CYB5R4: variants seen among roughly 807,000 people sequenced by gnomAD.
CYB5R4 encodes the protein cytochrome b5 reductase 4, also known as N-terminal cytochrome b5 and cytochrome b5 oxidoreductase domain-containing protein.
In CYB5R4, 55 loss-of-function variants were observed where a neutral mutation model predicts 70.2. That is an observed-to-expected ratio of 0.78 (90% CI 0.63 to 0.98). The LOEUF (loss-of-function observed/expected upper bound fraction) is 0.98. Ranked by LOEUF, CYB5R4 falls within the 50% of genes least tolerant of loss-of-function variation. The pLI, the probability that CYB5R4 is intolerant of heterozygous loss-of-function variation, is 0.00. For synonymous variants in CYB5R4, 197 were observed against 199.5 expected, an observed-to-expected ratio of 0.99 and a Z score of 0.11; for missense variants, 562 against 612.6, an observed-to-expected ratio of 0.92 and a Z score of 0.87.
chr6:83,938,208 G>C (rs770712970), intron 12 of CYB5R4, among the ~76,000 whole-genome samples: 7 of 152,176 alleles, frequency 4.6e-5, no homozygotes, highest in Non-Finnish European at 8.8e-5. Flanking sequence ...ATCACCTTGT[G>C]AGAGAAGGAC....
At chr6:83,890,786 A>G (rs2099461010) in intron 2 of CYB5R4, among the ~76,000 whole-genome samples, 2 of 152,134 alleles carry the variant, frequency 1.3e-5, no homozygotes, top group South Asian at 4.1e-4. Flanking sequence ...GCAACCATCA[A>G]CATCAAGGCA....
intron 2 of CYB5R4, among the ~76,000 whole-genome samples, chr6:83,887,583 A>G (rs1460030192): frequency 6.6e-6 from 1 of 152,146 alleles, no homozygotes; most frequent in Non-Finnish European, 1.5e-5. Flanking sequence ...TATACAGTGT[A>G]CCCCTAATAT....
intron 2 of CYB5R4, among the ~76,000 whole-genome samples, chr6:83,876,581 C>T (rs529825995): frequency 6.7e-6 from 1 of 149,836 alleles, no homozygotes; most frequent in Non-Finnish European, 1.5e-5. Context: ...TATACTATTT[C>T]ACATATAGTA....
intron 6 of CYB5R4, among the ~76,000 whole-genome samples, 193 bp from the exon 7 acceptor site, chr6:83,919,204 T>A (rs976195577): frequency 2.6e-5 from 4 of 152,282 alleles, no homozygotes; most frequent in Non-Finnish European, 5.9e-5. Flanking sequence ...GTCTAGATAT[T>A]TTAAATTTAG....
At position 83,967,294 on chromosome 6, in the gene CYB5R4, ATG is replaced by A. The variant is rs1273737034; in HGVS notation, c.*7417_*7418del. 1 of 152,224 alleles carries A rather than the reference ATG, an allele frequency of 6.6e-6. No individual in the cohort carries two copies. The highest frequency in any genetic ancestry group is 1.5e-5 in the Non-Finnish European group (1 of 68,038). The allele number at this position is 152,224 out of a possible 1,614,324, so 9.4% of individuals were successfully genotyped here. On this transcript the variant is annotated 3_prime_UTR_variant, in exon 16 of 16. Coordinates refer to ENST00000369681, the MANE Select transcript of CYB5R4 (RefSeq NM_016230.4). ...ATTAAACTTGTAGAACTAAAACAAA[ATG>A]AGAGTTAAAAAAGAAAGAGTATAGG...
Position 83,928,620 on chromosome 6 carries a change from A to G in CYB5R4, c.814+4028A>G, listed in dbSNP as rs547743371. ...AGAGAGAGAAAAATGTAAGTGGCAT[A>G]TATAGGAAAGTTCAAATGGGTTAAT... On this transcript the variant is annotated intron_variant, in intron 10 of 15. Transcript: ENST00000369681. Among the ~76,000 whole-genome samples the G allele has an allele frequency of 2.0e-5, 3 of 152,354 alleles. No individual in the cohort carries two copies. The South Asian group carries it at 6.2e-4, about 32-fold the overall frequency.
In CYB5R4 at chr6:83,966,083, T is replaced by C. The variant is rs539229461; in HGVS notation, c.*6205T>C. On this transcript the variant is annotated 3_prime_UTR_variant, in exon 16 of 16. Transcript: ENST00000369681. ...ATGAAATGTCTAGAACAGGAAAATC[T>C]ATGAGACATAAAGTAATTAAGTGGC... The C allele has an allele frequency of 4.6e-5, 7 of 152,274 alleles. No individual in the cohort carries two copies. The highest frequency in any genetic ancestry group is 8.8e-5 in the Non-Finnish European group (6 of 68,034). 9.4% of individuals were successfully genotyped at this position (152,274 alleles called of 1,614,324 possible).
rs1210097514 is a variant in CYB5R4 at position 83,962,572 on chromosome 6, A to G, written c.*2694A>G. ...TAGTAGCTTAAAACAACACCCATTTATTATCTCACAGTTCCATGGCACAGA... is the reference window on the plus strand; with the variant it reads ...TAGTAGCTTAAAACAACACCCATTTGTTATCTCACAGTTCCATGGCACAGA... On this transcript the variant is annotated 3_prime_UTR_variant, in exon 16 of 16. Coordinates refer to ENST00000369681, the MANE Select transcript of CYB5R4 (RefSeq NM_016230.4). The G allele has an allele frequency of 2.0e-5, 3 of 152,202 alleles. No individual in the cohort carries two copies. Among genetic ancestry groups the G allele is most frequent in the Non-Finnish European group, 4.4e-5 (3 of 68,030 alleles). The allele number at this position is 152,202 out of a possible 1,614,324, so 9.4% of individuals were successfully genotyped here.
chr6:83,934,805 T>G, intron 11 of CYB5R4, 70 bp downstream of exon 11: 2 of 1,327,768 alleles, frequency 1.5e-6, no homozygotes, highest in Non-Finnish European at 2.1e-6. Context: ...TACTATTCTC[T>G]CTAGAAAACA....
chr6:83,907,367 A>C (rs946174361), intron 3 of CYB5R4, among the ~76,000 whole-genome samples: 4 of 152,248 alleles, frequency 2.6e-5, no homozygotes, highest in African/African-American at 9.6e-5. Context: ...TCCTTGAAGC[A>C]GTAGAATCAC....
At position 83,967,306 on chromosome 6, in the gene CYB5R4, AAAG is replaced by A. The variant is rs1435335135; in HGVS notation, c.*7431_*7433del. ...GAACTAAAACAAAATGAGAGTTAAA[AAAG>A]AAAGAGTATAGGTATATGCTAAACT... is the stretch of plus-strand genomic sequence containing the variant. On this transcript the variant is annotated 3_prime_UTR_variant, in exon 16 of 16. Coordinates refer to ENST00000369681, the MANE Select transcript of CYB5R4 (RefSeq NM_016230.4). 3.3e-5 allele frequency: 5 copies of A among 152,230 alleles called. No individual in the cohort carries two copies. The highest frequency in any genetic ancestry group is 1.2e-4 in the African/African-American group (5 of 41,458). The allele number at this position is 152,230 out of a possible 1,614,324, so 9.4% of individuals were successfully genotyped here.
intron 10 of CYB5R4, among the ~76,000 whole-genome samples, chr6:83,934,016 G>T (rs923324350): frequency 3.3e-5 from 5 of 151,946 alleles, no homozygotes; most frequent in Admixed American, 6.6e-5. Flanking sequence ...TCTTGCCTTT[G>T]TCAAAGAGAT....
chr6:83,887,346 A>G (rs1403484096), intron 2 of CYB5R4, among the ~76,000 whole-genome samples: 3 of 152,168 alleles, frequency 2.0e-5, no homozygotes, highest in East Asian at 1.9e-4. Flanking sequence ...TGAAGTTTAC[A>G]TTTCTGACAA....
intron 12 of CYB5R4, among the ~76,000 whole-genome samples, chr6:83,938,207 T>C (rs2099469216): frequency 1.3e-5 from 2 of 152,126 alleles, no homozygotes; most frequent in African/African-American, 4.8e-5. Flanking sequence ...TATCACCTTG[T>C]GAGAGAAGGA....
rs2099473806 is a variant in CYB5R4 at position 83,964,689 on chromosome 6, G to A, written c.*4811G>A. On this transcript the variant is annotated 3_prime_UTR_variant, in exon 16 of 16. Coordinates refer to ENST00000369681, the MANE Select transcript of CYB5R4 (RefSeq NM_016230.4). ...CAAGGAACTGAATGTTAATTTCCAAGACAATGGGGAAAATGTCTCCAGGGC... is the reference window on the plus strand; with the variant it reads ...CAAGGAACTGAATGTTAATTTCCAAAACAATGGGGAAAATGTCTCCAGGGC... 6.6e-6 allele frequency: 1 copy of A among 152,220 alleles called. No individual in the cohort carries two copies. Among genetic ancestry groups the A allele is most frequent in the East Asian group, 1.9e-4 (1 of 5,188 alleles). The allele number at this position is 152,220 out of a possible 1,614,324, so 9.4% of individuals were successfully genotyped here. A position where few individuals can be genotyped will look rare whatever the true frequency, so the allele number is the denominator to read the frequency against.
intron 2 of CYB5R4, among the ~76,000 whole-genome samples, chr6:83,867,841 A>C (rs2099456971): frequency 6.6e-6 from 1 of 152,176 alleles, no homozygotes; most frequent in South Asian, 2.1e-4. Context: ...TTGTCTGTAA[A>C]AAGTATAATT....
intron 4 of CYB5R4, among the ~76,000 whole-genome samples, chr6:83,913,071 T>C (rs1185868759): frequency 2.0e-5 from 3 of 152,206 alleles, no homozygotes; most frequent in Non-Finnish European, 4.4e-5. Flanking sequence ...ACATGATAAA[T>C]GAGATTTATT....
rs144115474 is a variant in CYB5R4, at chr6:83,923,708, A to G, written c.692-762A>G. 1.5e-3 allele frequency among the ~76,000 whole-genome samples: 226 copies of G among 152,216 alleles called. 1 individual carries two copies. The highest frequency in any genetic ancestry group is 2.1e-3 in the Non-Finnish European group (144 of 68,008). On this transcript the variant is annotated intron_variant, in intron 9 of 15. Transcript: ENST00000369681. ...CACATGCACTTTATCAATTTACTCT[A>G]TTGACTAGGAACTCATTCTCATGAG...
At chr6:83,895,642 T>A (rs558200064) in intron 3 of CYB5R4, among the ~76,000 whole-genome samples, 2 of 152,224 alleles carry the variant, frequency 1.3e-5, no homozygotes, top group Middle Eastern at 3.2e-3. Context: ...TTGAGTGTTA[T>A]GAGGTCATAT....
Sources: gnomAD v4.1 joint callset for allele counts (sites outside exome capture counted in the v4.1 genomes callset) on GRCh38, gnomAD v4.1.1 for gene constraint, MANE v1.5 for transcripts, NCBI Gene and HGNC (gene_info 2026-07-23, HGNC 2026-07-21) for gene names.